Variants in CSTPP1 observed in about 807,000 individuals in gnomAD.
CSTPP1 encodes centriolar satellite-associated tubulin polyglutamylase complex regulator 1, also known as UPF0705 protein C11orf49.
the CSTPP1 span, chr11:46,936,888 T>A: frequency 2.7e-6 from 4 of 1,479,674 alleles, no homozygotes; most frequent in African/African-American, 3.1e-5. Context: ...GGGAAAGACG[T>A]GCAGACGAAT....
At chr11:46,967,007 G>C in the CSTPP1 span, among the ~76,000 whole-genome samples, 1 of 151,832 alleles carries the variant, frequency 6.6e-6, no homozygotes, top group Non-Finnish European at 1.5e-5. Context: ...TATATGGCTG[G>C]GAGAGACAGA....
At chr11:47,026,407 A>G in the CSTPP1 span, among the ~76,000 whole-genome samples, 1 of 152,228 alleles carries the variant, frequency 6.6e-6, no homozygotes, top group Non-Finnish European at 1.5e-5. Flanking sequence ...TTGTAGGAAC[A>G]AGACAAATTA....
chr11:47,026,918 C>T, the CSTPP1 span, among the ~76,000 whole-genome samples: 2 of 152,114 alleles, frequency 1.3e-5, no homozygotes, highest in Admixed American at 1.3e-4. Context: ...CTAAAATTAT[C>T]ATGTACACAC....
At chr11:47,100,182 T>C in the CSTPP1 span, among the ~76,000 whole-genome samples, 37 of 152,370 alleles carry the variant, frequency 2.4e-4, no homozygotes, top group African/African-American at 8.7e-4. Flanking sequence ...AGTTTCATCT[T>C]CTTTGAGGCA....
chr11:46,942,472 G>A, the CSTPP1 span, among the ~76,000 whole-genome samples: 1 of 152,090 alleles, frequency 6.6e-6, no homozygotes, highest in African/African-American at 2.4e-5. Context: ...CACCTAATTT[G>A]GTGAGGTGCA....
At chr11:47,137,801 T>A in the CSTPP1 span, 1 of 1,458,150 alleles carries the variant, frequency 6.9e-7, no homozygotes, top group African/African-American at 1.4e-5. Context: ...ACCTGGAGTG[T>A]ATACAAATGA....
chr11:47,107,466 T>C, the CSTPP1 span, among the ~76,000 whole-genome samples: 1 of 152,244 alleles, frequency 6.6e-6, no homozygotes, highest in Non-Finnish European at 1.5e-5. Context: ...TGTTGGAGTC[T>C]AATTATTTAA....
the CSTPP1 span, among the ~76,000 whole-genome samples, chr11:47,000,520 T>C: frequency 6.6e-6 from 1 of 152,158 alleles, no homozygotes; most frequent in Non-Finnish European, 1.5e-5. Context: ...TTTTAAAGGA[T>C]GATTTTAGTT....
the CSTPP1 span, among the ~76,000 whole-genome samples, chr11:46,952,789 T>C: frequency 6.6e-6 from 1 of 152,230 alleles, no homozygotes; most frequent in Non-Finnish European, 1.5e-5. Context: ...TATACTCTAG[T>C]GAGTCGTTCA....
the CSTPP1 span, among the ~76,000 whole-genome samples, chr11:47,025,843 A>G: frequency 6.6e-6 from 1 of 152,240 alleles, no homozygotes; most frequent in Non-Finnish European, 1.5e-5. Flanking sequence ...GCATAGATAT[A>G]CAGTGGATGA....
the CSTPP1 span, among the ~76,000 whole-genome samples, chr11:47,115,963 A>C: frequency 1.3e-5 from 2 of 152,194 alleles, no homozygotes; most frequent in Non-Finnish European, 2.9e-5. Flanking sequence ...TTAATGCTAT[A>C]AATTTCCCTC....
At chr11:47,158,878 G>C in the CSTPP1 span, among the ~76,000 whole-genome samples, 1 of 152,132 alleles carries the variant, frequency 6.6e-6, no homozygotes, top group Non-Finnish European at 1.5e-5. Context: ...TGCTGTGCTT[G>C]GGATCCCAGG....
the CSTPP1 span, among the ~76,000 whole-genome samples, chr11:47,158,897 T>C: frequency 2.0e-5 from 3 of 152,202 alleles, no homozygotes; most frequent in South Asian, 6.2e-4. Flanking sequence ...GGTGCCTGAG[T>C]CTCAAGGAAA....
the CSTPP1 span, among the ~76,000 whole-genome samples, chr11:47,065,685 T>A: frequency 6.6e-6 from 1 of 152,100 alleles, no homozygotes; most frequent in Admixed American, 6.5e-5. Context: ...ATGGAATTGT[T>A]TTTCTTAGTT....
the CSTPP1 span, among the ~76,000 whole-genome samples, chr11:46,955,356 T>G: frequency 6.6e-6 from 1 of 151,836 alleles, no homozygotes; most frequent in Non-Finnish European, 1.5e-5. Flanking sequence ...GGTTTTTTTT[T>G]TGTTGTTTTT....
chr11:47,059,201 G>C, the CSTPP1 span, among the ~76,000 whole-genome samples: 1 of 152,148 alleles, frequency 6.6e-6, no homozygotes, highest in East Asian at 1.9e-4. Flanking sequence ...TGGGGGGCTG[G>C]GGGGTGAAGG....
At chr11:47,063,837 A>T in the CSTPP1 span, among the ~76,000 whole-genome samples, 1 of 152,194 alleles carries the variant, frequency 6.6e-6, no homozygotes, top group Non-Finnish European at 1.5e-5. Flanking sequence ...TTGGGCACAT[A>T]ACTAGAAGTG....
the CSTPP1 span, among the ~76,000 whole-genome samples, chr11:47,150,749 C>T: frequency 6.6e-6 from 1 of 150,424 alleles, no homozygotes; most frequent in Non-Finnish European, 1.5e-5. Context: ...AGGACAGCTT[C>T]AGGGAGGATG....
the CSTPP1 span, among the ~76,000 whole-genome samples, chr11:46,953,958 G>A: frequency 6.6e-6 from 1 of 152,166 alleles, no homozygotes; most frequent in Non-Finnish European, 1.5e-5. Context: ...TAGAGTTAGG[G>A]AAGCAGAAGT....
Sources: gnomAD v4.1 joint callset for allele counts (sites outside exome capture counted in the v4.1 genomes callset) on GRCh38, gnomAD v4.1.1 for gene constraint, MANE v1.5 for transcripts, NCBI Gene and HGNC (gene_info 2026-07-23, HGNC 2026-07-21) for gene names.